The following DCDC1 variants were observed in gnomAD, a reference collection of about 807,000 sequenced individuals.
DCDC1 encodes doublecortin domain containing 1.
DCDC1 carries 200 observed loss-of-function variants against 178.3 expected under a neutral mutation model. The ratio of observed to expected loss-of-function variants is 1.12; its 90% confidence interval spans 1.00 to 1.26. The LOEUF (loss-of-function observed/expected upper bound fraction) is 1.26, where lower values mean the gene tolerates loss of function less well. Among genes scored for constraint, DCDC1 ranks in the 50% most tolerant of loss-of-function variants. The pLI, the probability that DCDC1 is intolerant of heterozygous loss-of-function variation, is 0.00. For synonymous variants in DCDC1, 690 were observed against 604.8 expected (o/e 1.14, Z -2.07); for missense variants, 1,983 against 1,749.2 (o/e 1.13, Z -2.38).
chr11:31,227,813 A>T (rs58296108), intron 9 of DCDC1, among the ~76,000 whole-genome samples: 3,137 of 152,206 alleles, frequency 0.021, 98 homozygotes, highest in African/African-American at 0.07. Flanking sequence ...GTAAAAGGAC[A>T]TTATTTTATA....
intron 7 of DCDC1, among the ~76,000 whole-genome samples, chr11:31,281,820 T>C (rs1180455384): frequency 6.6e-6 from 1 of 152,160 alleles, no homozygotes; most frequent in African/African-American, 2.4e-5. Context: ...CCTTCCACCA[T>C]GATTATGAGG....
chr11:31,223,250 T>A (rs1467373929), intron 9 of DCDC1, among the ~76,000 whole-genome samples: 1 of 152,162 alleles, frequency 6.6e-6, no homozygotes, highest in Non-Finnish European at 1.5e-5. Flanking sequence ...ATAGCACATA[T>A]CCATAGTTGA....
chr11:30,971,040 T>C (rs905447516), intron 20 of DCDC1, among the ~76,000 whole-genome samples: 1 of 152,276 alleles, frequency 6.6e-6, no homozygotes, highest in African/African-American at 2.4e-5. Context: ...AAGTTCCACC[T>C]GGTATCCCCA....
rs528026118 is a variant in DCDC1 at position 30,894,378 on chromosome 11, C to T, written c.4772G>A (p.Arg1591Gln). The T allele has an allele frequency of 1.2e-5, 19 of 1,611,754 alleles. No individual in the cohort carries two copies. Among genetic ancestry groups the T allele is most frequent in the Middle Eastern group, 1.7e-4 (1 of 6,040 alleles). ...GGTGGCTGGCTGACATGCCGCTACT[C>T]GCCGCCCTGAGGAAACAAGTCTCTA... Reference protein sequence around the residue: ...RHKMRQLKGRRVAACQPATMV... With the variant: ...RHKMRQLKGRQVAACQPATMV... The change falls in exon 35 of 39, where the codon CGA becomes CAA. Residue 1591 changes from arginine to glutamine, a missense_variant. By Grantham distance (43) the Arg-to-Gln change is conservative. Coordinates refer to ENST00000684477, the MANE Select transcript of DCDC1 (RefSeq NM_001387274.1).
At chr11:31,018,234 T>C (rs1363711920) in intron 20 of DCDC1, among the ~76,000 whole-genome samples, 1 of 152,216 alleles carries the variant, frequency 6.6e-6, no homozygotes, top group East Asian at 1.9e-4. Flanking sequence ...ACCTATTATT[T>C]TGTCTTACAA....
intron 20 of DCDC1, among the ~76,000 whole-genome samples, chr11:30,961,707 AT>A (rs146895697): frequency 0.025 from 3,774 of 152,136 alleles, 164 homozygotes; most frequent in African/African-American, 0.086. Flanking sequence ...TTTTGATAGG[AT>A]TCAGTTTATA....
chr11:31,098,102 T>A (rs1958267997), intron 15 of DCDC1, among the ~76,000 whole-genome samples: 1 of 152,178 alleles, frequency 6.6e-6, no homozygotes, highest in Non-Finnish European at 1.5e-5. Context: ...TAAAATAAGT[T>A]TCCTTTTGAG....
At chr11:31,325,525 G>T (rs1253532800) in intron 3 of DCDC1, among the ~76,000 whole-genome samples, 1 of 152,048 alleles carries the variant, frequency 6.6e-6, no homozygotes, top group Non-Finnish European at 1.5e-5. Flanking sequence ...TGGTACAGAG[G>T]TTTTCACTGT....
chr11:30,946,471 C>A (rs982701526), intron 21 of DCDC1, among the ~76,000 whole-genome samples: 63 of 152,306 alleles, frequency 4.1e-4, no homozygotes, highest in African/African-American at 1.5e-3. Context: ...TTTTGAATAA[C>A]TCTTTTTTTC....
intron 21 of DCDC1, among the ~76,000 whole-genome samples, chr11:30,941,739 T>C (rs981922175): frequency 1.3e-5 from 2 of 152,164 alleles, no homozygotes; most frequent in Non-Finnish European, 2.9e-5. Context: ...GAAAGTGTTG[T>C]AAATAAATTA....
At chr11:30,947,872 A>G (rs1380491314) in intron 21 of DCDC1, among the ~76,000 whole-genome samples, 1 of 152,102 alleles carries the variant, frequency 6.6e-6, no homozygotes, top group African/African-American at 2.4e-5. Context: ...AATAGGAAAA[A>G]AAAATCAAAT....
At chr11:31,149,678 C>T (rs1964946748) in intron 9 of DCDC1, among the ~76,000 whole-genome samples, 1 of 152,060 alleles carries the variant, frequency 6.6e-6, no homozygotes, top group Non-Finnish European at 1.5e-5. Flanking sequence ...GTCACCGAGA[C>T]AACGAACCTA....
chr11:31,229,398 C>G (rs1301365458), intron 9 of DCDC1, among the ~76,000 whole-genome samples: 1 of 151,990 alleles, frequency 6.6e-6, no homozygotes, highest in African/African-American at 2.4e-5. Flanking sequence ...GAGGATAATA[C>G]ATAATATATA....
chr11:30,892,997 C>A lies in DCDC1; in HGVS notation c.4903G>T (p.Ala1635Ser). Residue 1635 changes from alanine (A) to serine (S), a missense_variant and splice_region_variant, in exon 36 of 39, where the codon GCA becomes TCA. By Grantham distance (99) the Ala-to-Ser change is moderately conservative (BLOSUM62 1). Transcript: ENST00000684477. ...ATTTCTTGGATTTCAGAAAGGTGTG[C>A]CTGTCAAGAAAAGCCCAGAGAATGT... is the stretch of plus-strand genomic sequence containing the variant. ...KLMELIRHTE[A>S]HLSEIQEMES... The A allele has an allele frequency of 2.5e-6, 4 of 1,613,440 alleles. No individual in the cohort carries two copies. The highest frequency in any genetic ancestry group is 1.3e-5 in the African/African-American group (1 of 74,970).
At chr11:30,878,467 G>C (rs1394664648) in intron 38 of DCDC1, 77 bp downstream of exon 38, 6 of 1,278,416 alleles carry the variant, frequency 4.7e-6, no homozygotes, top group Non-Finnish European at 6.2e-6. Flanking sequence ...AAAGAAAGAG[G>C]GGGGAACTGC....
intron 20 of DCDC1, among the ~76,000 whole-genome samples, chr11:31,038,215 A>T (rs1196816685): frequency 5.0e-5 from 2 of 39,820 alleles, no homozygotes; most frequent in Non-Finnish European, 9.7e-5. Context: ...TTAAAGTATT[A>T]TATATATATA....
At chr11:30,908,806 G>A (rs2134161063) in intron 29 of DCDC1, 140 bp downstream of exon 29, 2 of 618,878 alleles carry the variant, frequency 3.2e-6, no homozygotes, top group East Asian at 6.3e-5. Context: ...CAGAATCAGA[G>A]TCTAAGTGAT....
intron 20 of DCDC1, among the ~76,000 whole-genome samples, chr11:31,014,573 T>G (rs903967529): frequency 5.9e-5 from 9 of 152,170 alleles, no homozygotes; most frequent in Non-Finnish European, 1.0e-4. Flanking sequence ...TTTAAGTCAC[T>G]AAGTTTGGGG....
chr11:30,945,746 A>ATCTATCTATCTG (rs1480745673), intron 21 of DCDC1, among the ~76,000 whole-genome samples: 1 of 106,950 alleles, frequency 9.4e-6, no homozygotes, highest in Non-Finnish European at 1.9e-5. Flanking sequence ...CTATCTATCT[A>ATCTATCTATCTG]TCTGTCTGTC....
Sources: gnomAD v4.1 joint callset for allele counts (sites outside exome capture counted in the v4.1 genomes callset) on GRCh38, gnomAD v4.1.1 for gene constraint, MANE v1.5 for transcripts, NCBI Gene and HGNC (gene_info 2026-07-23, HGNC 2026-07-21) for gene names.